ZNG1B: variants seen among roughly 807,000 people sequenced by gnomAD.
The protein encoded by ZNG1B is zinc-regulated GTPase metalloprotein activator 1B.
At chr2:113,488,008 C>G in the ZNG1B span, among the ~76,000 whole-genome samples, 33 of 152,174 alleles carry the variant, frequency 2.2e-4, no homozygotes, top group African/African-American at 7.2e-4. Flanking sequence ...TTCCATACTA[C>G]CACAACTGAC....
the ZNG1B span, among the ~76,000 whole-genome samples, chr2:113,443,248 G>A: frequency 2.0e-5 from 3 of 151,990 alleles, no homozygotes; most frequent in Non-Finnish European, 2.9e-5. Context: ...ATTTTTAAAT[G>A]AGCACATGGT....
chr2:113,453,042 AC>A, the ZNG1B span: 1 of 1,458,448 alleles, frequency 6.9e-7, no homozygotes, highest in African/African-American at 1.4e-5. Context: ...ATATGTGTTT[AC>A]CTGTTAATTT....
chr2:113,462,708 A>T, the ZNG1B span: 1 of 580,474 alleles, frequency 1.7e-6, no homozygotes, highest in South Asian at 2.4e-5. Context: ...GTTCACAGTT[A>T]ATAGACTGAT....
chr2:113,474,214 T>G, the ZNG1B span, among the ~76,000 whole-genome samples: 1 of 152,168 alleles, frequency 6.6e-6, no homozygotes, highest in Non-Finnish European at 1.5e-5. Context: ...GTTTAGTCTT[T>G]GGAGGGTGTA....
chr2:113,440,766 C>A, the ZNG1B span, among the ~76,000 whole-genome samples: 3 of 144,984 alleles, frequency 2.1e-5, no homozygotes. Context: ...TACAATTGAA[C>A]TACAATACTA....
the ZNG1B span, chr2:113,437,707 C>G: frequency 6.6e-7 from 1 of 1,514,098 alleles, no homozygotes; most frequent in Non-Finnish European, 8.9e-7. Flanking sequence ...CGAGGCGCTT[C>G]TCGTCCAGAG....
chr2:113,489,815 A>C, the ZNG1B span, among the ~76,000 whole-genome samples: 1 of 148,228 alleles, frequency 6.7e-6, no homozygotes, highest in Non-Finnish European at 1.5e-5. Context: ...GGAAAGTATC[A>C]CAATCCTAAA....
At chr2:113,488,374 C>G in the ZNG1B span, among the ~76,000 whole-genome samples, 1 of 152,146 alleles carries the variant, frequency 6.6e-6, no homozygotes, top group Non-Finnish European at 1.5e-5. Context: ...CAACAACCTT[C>G]AGCCCTAGAC....
the ZNG1B span, among the ~76,000 whole-genome samples, chr2:113,442,125 A>G: frequency 2.6e-5 from 4 of 152,288 alleles, no homozygotes; most frequent in East Asian, 7.7e-4. Flanking sequence ...TGCTTCTGTT[A>G]TTAGTTAACT....
chr2:113,451,926 T>A, the ZNG1B span, among the ~76,000 whole-genome samples: 4 of 152,040 alleles, frequency 2.6e-5, no homozygotes, highest in African/African-American at 9.7e-5. Context: ...CATGCTTTTT[T>A]AAATGACTTA....
the ZNG1B span, chr2:113,482,039 A>C: frequency 8.9e-6 from 9 of 1,013,668 alleles, no homozygotes; most frequent in Non-Finnish European, 1.1e-5. Context: ...ATTTGCGAAC[A>C]ACTTGTAAAA....
the ZNG1B span, among the ~76,000 whole-genome samples, chr2:113,440,303 G>T: frequency 0.2 from 29,694 of 149,290 alleles, 3,219 homozygotes; most frequent in East Asian, 0.41. Flanking sequence ...GTCTTAAAGT[G>T]TTTTTTTTTT....
chr2:113,477,386 G>A, the ZNG1B span, among the ~76,000 whole-genome samples: 1 of 152,114 alleles, frequency 6.6e-6, no homozygotes, highest in East Asian at 1.9e-4. Flanking sequence ...CTCGCGGATG[G>A]TGCACGCACC....
At chr2:113,439,236 C>T in the ZNG1B span, 308,998 of 1,444,798 alleles carry the variant, frequency 0.21, 36,169 homozygotes, top group East Asian at 0.51. Flanking sequence ...TTTTCCCTTT[C>T]TGAAACACTG....
the ZNG1B span, among the ~76,000 whole-genome samples, chr2:113,457,380 A>G: frequency 6.9e-6 from 1 of 144,236 alleles, no homozygotes; most frequent in African/African-American, 2.5e-5. Flanking sequence ...TTTGAAAGAA[A>G]TAGTTCCTGC....
At chr2:113,445,629 A>T in the ZNG1B span, 1 of 149,160 alleles carries the variant, frequency 6.7e-6, no homozygotes, top group African/African-American at 2.5e-5. Flanking sequence ...AGCTACACAG[A>T]GTCAACCTGT....
the ZNG1B span, among the ~76,000 whole-genome samples, chr2:113,463,293 C>G: frequency 2.6e-5 from 4 of 152,046 alleles, no homozygotes; most frequent in Non-Finnish European, 5.9e-5. Context: ...CATTCGGTAG[C>G]TATTATTATT....
chr2:113,481,231 TATA>T, the ZNG1B span, among the ~76,000 whole-genome samples: 5 of 144,244 alleles, frequency 3.5e-5, no homozygotes, highest in East Asian at 1.0e-3. Flanking sequence ...TAAGAGCAGT[TATA>T]ATGCTTTAGT....
At chr2:113,489,242 G>A in the ZNG1B span, among the ~76,000 whole-genome samples, 1 of 150,800 alleles carries the variant, frequency 6.6e-6, no homozygotes, top group African/African-American at 2.4e-5. Flanking sequence ...CGAGAATTTT[G>A]TATTCAGCAA....
Sources: allele counts gnomAD v4.1 joint callset (sites outside exome capture counted in the v4.1 genomes callset), GRCh38; gene constraint gnomAD v4.1.1; transcripts MANE v1.5; gene names NCBI Gene and HGNC (gene_info 2026-07-23, HGNC 2026-07-21).